The following LINGO2 variants were observed in gnomAD, a reference collection of about 807,000 sequenced individuals.
LINGO2 encodes the protein leucine-rich repeat and immunoglobulin-like domain-containing nogo receptor-interacting protein 2.
Under a neutral mutation model 30.6 loss-of-function variants are expected in LINGO2, and 14 were observed. That is an observed-to-expected ratio of 0.46 (90% CI 0.30 to 0.72). LINGO2 has a LOEUF of 0.72. LINGO2 is among the 30% of genes least tolerant of loss of function. The probability of loss-of-function intolerance (pLI) is 0.07; values close to 1 mark genes in which losing one functional copy is unlikely to be tolerated. For synonymous variants in LINGO2, 317 were observed against 288.5 expected (o/e 1.10, Z -1.00); for missense variants, 729 against 751.7 (o/e 0.97, Z 0.35).
At chr9:28,877,193 T>C in the LINGO2 span, among the ~76,000 whole-genome samples, 7 of 151,772 alleles carry the variant, frequency 4.6e-5, no homozygotes, top group African/African-American at 1.4e-4. Context: ...TTCTCCCATT[T>C]TGTAGGTTGC....
chr9:29,157,476 G>A, the LINGO2 span, among the ~76,000 whole-genome samples: 1 of 152,116 alleles, frequency 6.6e-6, no homozygotes, highest in Non-Finnish European at 1.5e-5. Context: ...TTAAAGGTAT[G>A]GAAAGTCAAG....
At chr9:28,340,401 C>T (rs950834676) in intron 3 of LINGO2, among the ~76,000 whole-genome samples, 4 of 152,052 alleles carry the variant, frequency 2.6e-5, no homozygotes, top group South Asian at 2.1e-4. Context: ...TGCATAAAAT[C>T]GAGAACACAT....
chr9:28,379,409 A>G (rs1025943525), intron 2 of LINGO2, among the ~76,000 whole-genome samples: 3 of 152,058 alleles, frequency 2.0e-5, no homozygotes, highest in South Asian at 2.1e-4. Context: ...TGGTTCAAAG[A>G]GCACTGTAAA....
chr9:28,603,786 C>A (rs1307232241), intron 1 of LINGO2, among the ~76,000 whole-genome samples: 1 of 151,958 alleles, frequency 6.6e-6, no homozygotes, highest in Non-Finnish European at 1.5e-5. Flanking sequence ...TGAATTTATT[C>A]TTTGGCATAG....
the LINGO2 span, among the ~76,000 whole-genome samples, chr9:29,079,858 TTATG>T: frequency 6.8e-6 from 1 of 147,854 alleles, no homozygotes; most frequent in Admixed American, 6.7e-5. Context: ...TGCTATGTCT[TTATG>T]TATTTCATAA....
chr9:28,483,353 A>T (rs1826049451), intron 1 of LINGO2, among the ~76,000 whole-genome samples: 1 of 152,092 alleles, frequency 6.6e-6, no homozygotes, highest in African/African-American at 2.4e-5. Context: ...GTATAAATAA[A>T]GAACCTAAGA....
At chr9:28,628,090 C>T (rs1273144197) in intron 1 of LINGO2, among the ~76,000 whole-genome samples, 1 of 151,934 alleles carries the variant, frequency 6.6e-6, no homozygotes, top group African/African-American at 2.4e-5. Flanking sequence ...GCAGGCTGGT[C>T]ACCCAAGCAG....
the LINGO2 span, among the ~76,000 whole-genome samples, chr9:28,705,023 C>T: frequency 6.6e-6 from 1 of 151,928 alleles, no homozygotes; most frequent in South Asian, 2.1e-4. Context: ...CTCAGGTGAT[C>T]CTCCCACCTC....
chr9:28,078,921 T>A (rs1825700282), intron 4 of LINGO2, among the ~76,000 whole-genome samples: 1 of 148,224 alleles, frequency 6.7e-6, no homozygotes, highest in Non-Finnish European at 1.5e-5. Flanking sequence ...AGCAAGACAG[T>A]TTGTAGAAAA....
the LINGO2 span, among the ~76,000 whole-genome samples, chr9:28,759,053 T>C: frequency 1.1e-4 from 17 of 152,214 alleles, no homozygotes; most frequent in Non-Finnish European, 2.5e-4. Flanking sequence ...CTTAAGGTGC[T>C]GTTTTAGAAG....
chr9:28,497,300 C>G (rs1181618407), intron 1 of LINGO2, among the ~76,000 whole-genome samples: 2 of 152,210 alleles, frequency 1.3e-5, no homozygotes, highest in Non-Finnish European at 2.9e-5. Context: ...GTACACCAAT[C>G]AGACACAGAT....
At chr9:28,734,584 G>A in the LINGO2 span, among the ~76,000 whole-genome samples, 4 of 152,152 alleles carry the variant, frequency 2.6e-5, no homozygotes, top group African/African-American at 7.2e-5. Flanking sequence ...TGGTAGATTC[G>A]CAGCTCAAAT....
intron 1 of LINGO2, among the ~76,000 whole-genome samples, chr9:28,664,478 A>T (rs1397467907): frequency 6.6e-6 from 1 of 152,134 alleles, no homozygotes; most frequent in Non-Finnish European, 1.5e-5. Flanking sequence ...AGGGAAAAAT[A>T]GTCAGAGAGA....
chr9:28,178,745 A>G (rs1024969560), intron 4 of LINGO2, among the ~76,000 whole-genome samples: 23 of 152,140 alleles, frequency 1.5e-4, no homozygotes, highest in African/African-American at 5.1e-4. Context: ...TTACAACATA[A>G]TTGATTCTAG....
At chr9:29,189,830 C>T in the LINGO2 span, among the ~76,000 whole-genome samples, 4 of 151,994 alleles carry the variant, frequency 2.6e-5, no homozygotes, top group East Asian at 2.0e-4. Flanking sequence ...GCCAACACAG[C>T]GAAACCCCGT....
intron 2 of LINGO2, among the ~76,000 whole-genome samples, chr9:28,406,965 T>G (rs1429958248): frequency 6.6e-6 from 1 of 152,130 alleles, no homozygotes; most frequent in East Asian, 1.9e-4. Flanking sequence ...CCAATTAGTC[T>G]CTTAATTCCT....
rs550428114 is a variant in LINGO2, at chr9:27,976,836, A to G, written c.-35-26130T>C. Among the ~76,000 whole-genome samples, 4 of 152,260 alleles carry G rather than the reference A, an allele frequency of 2.6e-5. No homozygotes were observed. The South Asian group carries it at 8.3e-4, about 32-fold the overall frequency. On this transcript the variant is annotated intron_variant, in intron 5 of 5. Transcript: ENST00000379992. The stretch of plus-strand genomic sequence containing the variant: ...CCAGTTGAGTAGATGCCAGGCTGGG[A>G]GTCAGCCTCACTGGAAAAGAATAAT...
intron 3 of LINGO2, among the ~76,000 whole-genome samples, chr9:28,339,158 T>C (rs1825684547): frequency 6.6e-6 from 1 of 152,238 alleles, no homozygotes; most frequent in African/African-American, 2.4e-5. Flanking sequence ...CTAACTTTGT[T>C]AACCCCTTTT....
the LINGO2 span, among the ~76,000 whole-genome samples, chr9:28,759,550 C>G: frequency 6.6e-6 from 1 of 151,796 alleles, no homozygotes; most frequent in Non-Finnish European, 1.5e-5. Context: ...GGCATGGTGA[C>G]AGGCGCCTGC....
Sources: allele counts gnomAD v4.1 joint callset (sites outside exome capture counted in the v4.1 genomes callset), GRCh38; gene constraint gnomAD v4.1.1; transcripts MANE v1.5; gene names NCBI Gene and HGNC (gene_info 2026-07-23, HGNC 2026-07-21).